The following CYP3A43 variants were observed in gnomAD, a reference collection of about 807,000 sequenced individuals.
CYP3A43 encodes the protein cytochrome P450 family 3 subfamily A member 43.
CYP3A43 carries 45 observed loss-of-function variants against 58.0 expected under a neutral mutation model. The ratio of observed to expected loss-of-function variants is 0.78; its 90% CI spans 0.61 to 0.99. The LOEUF (loss-of-function observed/expected upper bound fraction) is 0.99. Ranked by LOEUF, CYP3A43 falls within the 50% of genes least tolerant of loss-of-function variation. The probability of loss-of-function intolerance (pLI) is 0.00; values close to 1 mark genes in which losing one functional copy is unlikely to be tolerated. For synonymous variants in CYP3A43, 191 were observed against 201.4 expected, an observed-to-expected ratio of 0.95 and a Z score of 0.44; for missense variants, 593 against 591.9, an observed-to-expected ratio of 1.00 and a Z score of -0.02.
rs1399892422 is a variant in CYP3A43, at chr7:99,836,489, G to A, written c.108G>A (p.Leu36=). The A allele has an allele frequency of 1.2e-6, 2 of 1,610,442 alleles. No homozygotes were observed. Among genetic ancestry groups the A allele is most frequent in the South Asian group, 1.1e-5 (1 of 89,960 alleles). ...ATTCACATAAACTTTTTAAGAAGCT[G>A]GGAATTCCTGGGCCAACCCCTCTGC... is the stretch of plus-strand genomic sequence containing the variant. ...GTHSHKLFKK[L]GIPGPTPLPF... The change falls in exon 2 of 13, where the codon CTG becomes CTA. Residue 36 remains leucine (L), a synonymous_variant. Coordinates refer to ENST00000354829, the MANE Select transcript of CYP3A43 (RefSeq NM_057095.3).
intron 12 of CYP3A43, among the ~76,000 whole-genome samples, 183 bp from the exon 13 acceptor site, chr7:99,865,723 T>C (rs755620395): frequency 6.7e-6 from 1 of 148,742 alleles, no homozygotes; most frequent in Non-Finnish European, 1.5e-5. Context: ...GGTAAATGCT[T>C]TCACTATCCA....
intron 2 of CYP3A43, 38 bp from the exon 3 acceptor site, chr7:99,839,082 G>T: frequency 6.2e-7 from 1 of 1,613,200 alleles, no homozygotes; most frequent in Non-Finnish European, 8.5e-7. Context: ...CAGTACATTC[G>T]AAATAATACT....
chr7:99,839,632 T>A (rs189589831), intron 3 of CYP3A43, among the ~76,000 whole-genome samples: 16 of 152,214 alleles, frequency 1.1e-4, no homozygotes, highest in African/African-American at 3.9e-4. Context: ...CTCCCTATAG[T>A]GGACGCACAA....
At chr7:99,846,152 T>C (rs1337032760) in intron 4 of CYP3A43, among the ~76,000 whole-genome samples, 1 of 152,214 alleles carries the variant, frequency 6.6e-6, no homozygotes, top group Non-Finnish European at 1.5e-5. Context: ...TTGATAAGTA[T>C]TGAATTAAAC....
chr7:99,849,709 A>G lies in CYP3A43; in HGVS notation c.670+15A>G, dbSNP rs1406487047. 1 of 1,549,374 alleles carries G rather than the reference A, an allele frequency of 6.5e-7. No homozygotes were observed. Among genetic ancestry groups the G allele is most frequent in the African/African-American group, 1.7e-5 (1 of 60,282 alleles). On this transcript the variant is annotated intron_variant, in intron 7 of 12. Coordinates refer to ENST00000354829, the MANE Select transcript of CYP3A43 (RefSeq NM_057095.3). ...ACTCTTAATATGTATGTGGACTTTT[A>G]TGTTATTTCTCTCTCTCTCTCTCTC...
intron 10 of CYP3A43, 64 bp from the exon 11 acceptor site, chr7:99,861,549 C>A (rs1818232268): frequency 7.1e-7 from 1 of 1,408,536 alleles, no homozygotes; most frequent in Non-Finnish European, 9.9e-7. Flanking sequence ...AATAGTACTG[C>A]ATGGACTAAG....
At chr7:99,844,104 G>C in intron 3 of CYP3A43, 39 bp from the exon 4 acceptor site, 1 of 1,528,052 alleles carries the variant, frequency 6.5e-7, no homozygotes, top group Non-Finnish European at 9.0e-7. Context: ...GCAGAATCAG[G>C]CAAGCGAGGT....
chr7:99,848,491 TC>T (rs1429733244), intron 6 of CYP3A43, among the ~76,000 whole-genome samples: 1 of 152,148 alleles, frequency 6.6e-6, no homozygotes, highest in Non-Finnish European at 1.5e-5. Context: ...TGTTACATTG[TC>T]CCCTTGGATA....
Position 99,856,819 on chromosome 7 carries a change from C to T in CYP3A43, c.799-14C>T. ...GTGACTTTCTGTCATTAAAATTTCT[C>T]TTTTTGCTTCCAGCATCGAGTAGAT... On this transcript the variant is annotated splice_polypyrimidine_tract_variant and intron_variant, in intron 8 of 12. Transcript: ENST00000354829. 1 of 1,613,756 alleles carries T rather than the reference C, an allele frequency of 6.2e-7. No individual in the cohort carries two copies. Among genetic ancestry groups the T allele is most frequent in the Non-Finnish European group, 8.5e-7 (1 of 1,179,922 alleles).
rs747558647 is a variant in CYP3A43 at position 99,836,546 on chromosome 7, G to A, written c.165G>A (p.Arg55=). 3 of 1,578,288 alleles carry A rather than the reference G, an allele frequency of 1.9e-6. No individual in the cohort carries two copies. ...TGGGAACTATTTTGTTCTACCTTAG[G>A]GTAAGTGTTATTTGAGCTCCCTCTT... ...PFLGTILFYL[R]GLWNFDRECN... is the part of the protein sequence containing the mutation. Residue 55 remains arginine (R), a splice_region_variant and synonymous_variant, in exon 2 of 13, where the codon AGG becomes AGA. Coordinates refer to ENST00000354829, the MANE Select transcript of CYP3A43 (RefSeq NM_057095.3).
chr7:99,863,671 T>C lies in CYP3A43; in HGVS notation c.1388T>C (p.Phe463Ser). The change falls in exon 12 of 13, where the codon TTC (phenylalanine) becomes TCC (serine). Residue 463 changes from phenylalanine to serine, a missense_variant. Coordinates refer to ENST00000354829, the MANE Select transcript of CYP3A43 (RefSeq NM_057095.3). ...KLAVIRALQNFSFKPCKETQI... is the reference protein window; with the variant it reads ...KLAVIRALQNSSFKPCKETQI... ...GCTGTCATTAGAGCACTGCAGAACT[T>C]CTCCTTCAAACCTTGTAAAGAGACT... is the stretch of plus-strand genomic sequence containing the variant. The C allele has an allele frequency of 3.1e-6, 5 of 1,609,618 alleles. No homozygotes were observed. Among genetic ancestry groups the C allele is most frequent in the Non-Finnish European group, 4.2e-6 (5 of 1,178,410 alleles).
At position 99,847,367 on chromosome 7, in the gene CYP3A43, C is replaced by A. The variant is rs150976733; in HGVS notation, c.319-121C>A. The stretch of plus-strand genomic sequence containing the variant: ...TATTGAGCATCTAGTATAGAGCCTG[C>A]CACCCAGTAGATAGTTACTAAATAT... On this transcript the variant is annotated intron_variant, in intron 4 of 12. Transcript: ENST00000354829. 381 of 966,414 alleles carry A rather than the reference C, an allele frequency of 3.9e-4. 3 individuals carry two copies. In the East Asian group the frequency reaches 9.8e-3, roughly 25 times the overall value. The allele number at this position is 966,414 out of a possible 1,614,324, so 59.9% of individuals were successfully genotyped here. A position where few individuals can be genotyped will look rare whatever the true frequency, so the allele number is the denominator to read the frequency against.
At chr7:99,846,308 G>A (rs1291244729) in intron 4 of CYP3A43, among the ~76,000 whole-genome samples, 2 of 152,082 alleles carry the variant, frequency 1.3e-5, no homozygotes, top group Non-Finnish European at 2.9e-5. Context: ...TCCTGTACGT[G>A]TTTTGTTAGA....
chr7:99,838,646 A>G (rs1443205939), intron 2 of CYP3A43: 1 of 1,284,092 alleles, frequency 7.8e-7, no homozygotes. Context: ...CATTTCAAAT[A>G]TCTTCTGTAT....
Position 99,859,901 on chromosome 7 carries a change from A to T in CYP3A43, c.937A>T (p.Thr313Ser), listed in dbSNP as rs747225147. ...TGCTGCCTATGACACAACTAGCACC[A>T]CTCTCCCCTTCATTATGTATGAACT... ...IFAAYDTTSTTLPFIMYELAT... is the reference protein window; with the variant it reads ...IFAAYDTTSTSLPFIMYELAT... The change falls in exon 10 of 13, where the codon ACT (threonine) becomes TCT (serine). Residue 313 changes from threonine (T) to serine (S), a missense_variant. Coordinates refer to ENST00000354829, the MANE Select transcript of CYP3A43 (RefSeq NM_057095.3). 5.8e-5 allele frequency: 93 copies of T among 1,613,420 alleles called. No individual in the cohort carries two copies. Among genetic ancestry groups the T allele is most frequent in the Non-Finnish European group, 7.7e-5 (91 of 1,179,906 alleles).
intron 3 of CYP3A43, among the ~76,000 whole-genome samples, chr7:99,841,122 C>A (rs1054760074): frequency 6.6e-6 from 1 of 152,196 alleles, no homozygotes; most frequent in Non-Finnish European, 1.5e-5. Flanking sequence ...ACATAAGGAG[C>A]CGATGTGGCT....
chr7:99,853,472 G>A (rs1817838980), intron 7 of CYP3A43, among the ~76,000 whole-genome samples: 1 of 149,250 alleles, frequency 6.7e-6, no homozygotes, highest in South Asian at 2.1e-4. Context: ...TTATTTCTGA[G>A]ACTAGTAAAC....
chr7:99,855,860 G>A, intron 8 of CYP3A43, 142 bp downstream of exon 8: 1 of 960,300 alleles, frequency 1.0e-6, no homozygotes, highest in South Asian at 1.6e-5. Context: ...CATTTTGCTG[G>A]GAATAAAGAA....
intron 5 of CYP3A43, 186 bp from the exon 6 acceptor site, chr7:99,847,980 C>CA: frequency 3.2e-6 from 2 of 631,018 alleles, no homozygotes; most frequent in Non-Finnish European, 5.4e-6. Flanking sequence ...CGTTGCACTC[C>CA]AGCCTGGGCA....
Sources: allele counts gnomAD v4.1 joint callset (sites outside exome capture counted in the v4.1 genomes callset), GRCh38; gene constraint gnomAD v4.1.1; transcripts MANE v1.5; gene names NCBI Gene and HGNC (gene_info 2026-07-23, HGNC 2026-07-21).